ERBB4: variants seen among roughly 807,000 people sequenced by gnomAD.
ERBB4 encodes the protein erb-b2 receptor tyrosine kinase 4.
ERBB4 carries 42 observed loss-of-function variants against 158.0 expected under a neutral mutation model. That is an observed-to-expected ratio of 0.27 (90% CI 0.21 to 0.34). The LOEUF (loss-of-function observed/expected upper bound fraction) is 0.34. ERBB4 is among the 10% of genes least tolerant of loss of function. The pLI, the probability that ERBB4 is intolerant of heterozygous loss-of-function variation, is 1.00. For synonymous variants in ERBB4, 583 were observed against 558.7 expected (o/e 1.04, Z -0.61); for missense variants, 1,333 against 1,624.1 (o/e 0.82, Z 3.08).
intron 1 of ERBB4, among the ~76,000 whole-genome samples, chr2:212,537,523 G>A (rs1203041367): frequency 2.0e-5 from 3 of 152,144 alleles, no homozygotes; most frequent in East Asian, 3.9e-4. Flanking sequence ...CCAGGTACCT[G>A]GGGCTCGAGC....
rs1403043318 is a variant in ERBB4, at chr2:211,624,059, G to A, written c.2080-15C>T. 1 of 1,613,802 alleles carries A rather than the reference G, an allele frequency of 6.2e-7. No individual in the cohort carries two copies. Among genetic ancestry groups the A allele is most frequent in the African/African-American group, 1.3e-5 (1 of 74,900 alleles). On this transcript the variant is annotated splice_polypyrimidine_tract_variant and intron_variant, in intron 17 of 27. Transcript: ENST00000342788. ...GGTTCCACCAACTGCAAAGCGGAAA[G>A]AAGAAGGTTATACTTTCAGTCCGAT...
chr2:212,288,874 G>C (rs1211636597), intron 1 of ERBB4, among the ~76,000 whole-genome samples: 1 of 151,820 alleles, frequency 6.6e-6, no homozygotes, highest in Non-Finnish European at 1.5e-5. Context: ...TTAATCTATT[G>C]TGCTATCAAA....
intron 19 of ERBB4, among the ~76,000 whole-genome samples, chr2:211,596,218 C>CA (rs537753989): frequency 0.013 from 1,858 of 140,212 alleles, 27 homozygotes; most frequent in African/African-American, 0.033. Flanking sequence ...GACTTCACAG[C>CA]AAAAAAAAAA....
chr2:212,260,573 G>A (rs372919170), intron 1 of ERBB4, among the ~76,000 whole-genome samples: 3 of 152,128 alleles, frequency 2.0e-5, no homozygotes, highest in Non-Finnish European at 2.9e-5. Context: ...AGCACTTTGG[G>A]AGGCCGAGGC....
At chr2:212,161,968 A>T (rs996493267) in intron 1 of ERBB4, among the ~76,000 whole-genome samples, 1 of 151,896 alleles carries the variant, frequency 6.6e-6, no homozygotes, top group Non-Finnish European at 1.5e-5. Context: ...CAGAGCAAGT[A>T]GCACTGTTAT....
chr2:212,179,651 T>C (rs1043047215), intron 1 of ERBB4, among the ~76,000 whole-genome samples: 6 of 151,648 alleles, frequency 4.0e-5, no homozygotes, highest in African/African-American at 1.4e-4. Flanking sequence ...TATTTTAATT[T>C]GTAAACTGCT....
intron 3 of ERBB4, among the ~76,000 whole-genome samples, chr2:211,861,137 T>TATA (rs2078032239): frequency 3.3e-5 from 1 of 30,394 alleles, no homozygotes; most frequent in African/African-American, 9.8e-5. Context: ...TATATATATA[T>TATA]ATATATATAT....
intron 1 of ERBB4, among the ~76,000 whole-genome samples, chr2:212,534,677 A>G (rs1692943929): frequency 6.6e-6 from 1 of 152,226 alleles, no homozygotes; most frequent in Non-Finnish European, 1.5e-5. Context: ...TAACACATGT[A>G]AACTCAATAA....
intron 1 of ERBB4, among the ~76,000 whole-genome samples, chr2:212,235,789 G>A (rs2083847203): frequency 6.6e-6 from 1 of 152,120 alleles, no homozygotes; most frequent in African/African-American, 2.4e-5. Context: ...TGTTTTATAG[G>A]AATGCTTGTG....
At chr2:212,088,618 T>C (rs1174925854) in intron 2 of ERBB4, among the ~76,000 whole-genome samples, 1 of 152,094 alleles carries the variant, frequency 6.6e-6, no homozygotes, top group African/African-American at 2.4e-5. Context: ...ACCCACTTCT[T>C]TGTGGTTGAT....
At chr2:211,416,205 C>G (rs1300326092) in intron 25 of ERBB4, among the ~76,000 whole-genome samples, 3 of 152,164 alleles carry the variant, frequency 2.0e-5, no homozygotes, top group Non-Finnish European at 4.4e-5. Context: ...AAAATATCTT[C>G]AGCCACATCA....
chr2:211,597,393 CATA>C (rs2068666829), intron 19 of ERBB4, among the ~76,000 whole-genome samples: 1 of 152,140 alleles, frequency 6.6e-6, no homozygotes, highest in African/African-American at 2.4e-5. Context: ...ATAATCAGAA[CATA>C]ATAACATAAA....
chr2:211,424,339 C>T, intron 22 of ERBB4, 38 bp from the exon 23 acceptor site: 1 of 1,524,512 alleles, frequency 6.6e-7, no homozygotes, highest in Non-Finnish European at 9.1e-7. Context: ...AGCATATTAA[C>T]AACATATGTT....
chr2:212,538,488 C>A lies in ERBB4; in HGVS notation c.43G>T (p.Val15Leu), dbSNP rs751515664. 5 of 1,614,104 alleles carry A rather than the reference C, an allele frequency of 3.1e-6. No individual in the cohort carries two copies. The East Asian group carries it at 1.1e-4, about 36-fold the overall frequency. Reference protein sequence around the residue: ...TGLWVWVSLLVAAGTVQPSDS... With the variant: ...TGLWVWVSLLLAAGTVQPSDS... Reference sequence around the variant, plus strand: ...CTGGGCTGGACGGTCCCCGCCGCCACGAGAAGGCTCACCCAGACCCAAAGT... The same window carrying A: ...CTGGGCTGGACGGTCCCCGCCGCCAAGAGAAGGCTCACCCAGACCCAAAGT... Residue 15 changes from valine (V) to leucine (L), a missense_variant, in exon 1 of 28, where the codon GTG becomes TTG. Physicochemically the swap from Val to Leu is conservative, Grantham distance 32. Coordinates refer to ENST00000342788, the MANE Select transcript of ERBB4 (RefSeq NM_005235.3).
intron 1 of ERBB4, among the ~76,000 whole-genome samples, chr2:212,370,751 TA>T: frequency 6.6e-6 from 1 of 152,296 alleles, no homozygotes; most frequent in African/African-American, 2.4e-5. Flanking sequence ...ATATAACCCT[TA>T]AACACTGATT....
rs552576021 is a variant in ERBB4 at position 211,572,485 on chromosome 2, C to T, written c.2302-10397G>A. ...TGGATGATGACAACGGGCTACGACGCTCCCTGGCTTTCATTTGGGTTCAGC... is the reference window on the plus strand; with the variant it reads ...TGGATGATGACAACGGGCTACGACGTTCCCTGGCTTTCATTTGGGTTCAGC... On this transcript the variant is annotated intron_variant, in intron 19 of 27. Transcript: ENST00000342788. Among the ~76,000 whole-genome samples the T allele has an allele frequency of 2.0e-5, 3 of 152,312 alleles. No homozygotes were observed. In the South Asian group the frequency reaches 6.2e-4, roughly 32 times the overall value.
At chr2:211,543,244 C>T (rs16846385) in intron 20 of ERBB4, among the ~76,000 whole-genome samples, 4 of 151,922 alleles carry the variant, frequency 2.6e-5, no homozygotes, top group Admixed American at 6.6e-5. Flanking sequence ...CTATTTCTAA[C>T]GGCAGCAACA....
chr2:211,589,836 A>G (rs1008106767), intron 19 of ERBB4, among the ~76,000 whole-genome samples: 2 of 152,162 alleles, frequency 1.3e-5, no homozygotes, highest in African/African-American at 4.8e-5. Context: ...TAGCATTATT[A>G]AAAACATCTA....
rs71054130 is a variant in ERBB4, at chr2:211,687,493, A to AGTTTGTTTGTTT, written c.1490-8321_1490-8310dup. ...TCCTCTCTTTTGCGAGCTTGACTGA[A>AGTTTGTTTGTTT]GTTTGTTTGTTTGTTATTTTTAGCA... On this transcript the variant is annotated intron_variant, in intron 12 of 27. Transcript: ENST00000342788. Among the ~76,000 whole-genome samples, 14 of 151,386 alleles carry AGTTTGTTTGTTT rather than the reference A, an allele frequency of 9.2e-5. No individual in the cohort carries two copies. The East Asian group carries it at 1.8e-3, about 19-fold the overall frequency.
Sources: gnomAD v4.1 joint callset for allele counts (sites outside exome capture counted in the v4.1 genomes callset) on GRCh38, gnomAD v4.1.1 for gene constraint, MANE v1.5 for transcripts, NCBI Gene and HGNC (gene_info 2026-07-23, HGNC 2026-07-21) for gene names.